Variants in SQOR observed in about 807,000 individuals in gnomAD.
The protein encoded by SQOR is sulfide:quinone oxidoreductase, mitochondrial.
In SQOR, 39 loss-of-function variants were observed where a neutral mutation model predicts 48.6. The ratio of observed to expected loss-of-function variants is 0.80; its 90% confidence interval spans 0.62 to 1.05. The LOEUF is 1.05. Ranked by LOEUF, SQOR falls within the 50% of genes least tolerant of loss-of-function variation. SQOR has a pLI of 0.00. For synonymous variants in SQOR, 220 were observed against 206.2 expected (o/e 1.07, Z -0.57); for missense variants, 561 against 559.9 (o/e 1.00, Z -0.02).
chr15:45,682,606 G>A lies in SQOR; in HGVS notation c.993G>A (p.Val331=). The change falls in exon 7 of 10, where the codon GTG becomes GTA. Residue 331 remains valine (V), a synonymous_variant. Coordinates refer to ENST00000260324, the MANE Select transcript of SQOR (RefSeq NM_021199.4). ...ETLQHRRYPN[V]FGIGDCTNLP... ...TGCAACACAGGAGGTACCCAAATGT[G>A]TTTGGGATTGGGGACTGCACCAACC... The A allele has an allele frequency of 6.2e-7, 1 of 1,614,220 alleles. No individual in the cohort carries two copies. The highest frequency in any genetic ancestry group is 8.5e-7 in the Non-Finnish European group (1 of 1,180,034).
At chr15:45,678,544 A>T (rs1299207999) in intron 6 of SQOR, among the ~76,000 whole-genome samples, 1 of 151,618 alleles carries the variant, frequency 6.6e-6, no homozygotes, top group Non-Finnish European at 1.5e-5. Flanking sequence ...TCCCTGTGAC[A>T]TGCCCCATCA....
chr15:45,644,706 G>C (rs976238263), intron 1 of SQOR, among the ~76,000 whole-genome samples: 2 of 152,194 alleles, frequency 1.3e-5, no homozygotes, highest in Non-Finnish European at 2.9e-5. Flanking sequence ...GCAAAAGACT[G>C]TATTGTGAGG....
chr15:45,649,063 A>T (rs1889409511), intron 1 of SQOR, among the ~76,000 whole-genome samples: 1 of 152,268 alleles, frequency 6.6e-6, no homozygotes, highest in Non-Finnish European at 1.5e-5. Context: ...CTTAGCCAGC[A>T]GCTCTGTTTG....
At chr15:45,663,825 A>T (rs1191581014) in intron 3 of SQOR, among the ~76,000 whole-genome samples, 2 of 152,170 alleles carry the variant, frequency 1.3e-5, no homozygotes, top group African/African-American at 4.8e-5. Flanking sequence ...AGCATTTATG[A>T]TCCTTGGCTT....
Sources: gnomAD v4.1 joint callset for allele counts (sites outside exome capture counted in the v4.1 genomes callset) on GRCh38, gnomAD v4.1.1 for gene constraint, MANE v1.5 for transcripts, NCBI Gene and HGNC (gene_info 2026-07-23, HGNC 2026-07-21) for gene names.